The following KLHL4 variants were observed in gnomAD, a reference collection of about 807,000 sequenced individuals.
The protein encoded by KLHL4 is kelch like family member 4.
Under a neutral mutation model 45.8 loss-of-function variants are expected in KLHL4, and 17 were observed. The ratio of observed to expected loss-of-function variants is 0.37; its 90% CI spans 0.25 to 0.56. KLHL4 has a LOEUF of 0.56. KLHL4 is among the 20% of genes least tolerant of loss of function. The pLI, the probability that KLHL4 is intolerant of heterozygous loss-of-function variation, is 0.79. For missense variants in KLHL4, 544 were observed against 544.9 expected, an observed-to-expected ratio of 1.00 and a Z score of 0.02; for synonymous variants, 224 against 189.9, an observed-to-expected ratio of 1.18 and a Z score of -1.47.
intron 1 of KLHL4, among the ~76,000 whole-genome samples, chrX:87,563,771 A>G (rs1279109676): frequency 9.0e-6 from 1 of 111,056 alleles, no homozygotes; most frequent in East Asian, 2.9e-4. Context: ...AGGAGGTTAT[A>G]GAACACCAAG....
At chrX:87,614,114 G>T in intron 2 of KLHL4, 70 bp downstream of exon 2, 1 of 754,278 alleles carries the variant, frequency 1.3e-6, no homozygotes, top group African/African-American at 2.1e-5. Context: ...TGAGTACATG[G>T]ATTATAAACT....
At chrX:87,563,547 G>A (rs1932143689) in intron 1 of KLHL4, among the ~76,000 whole-genome samples, 1 of 99,021 alleles carries the variant, frequency 1.0e-5, no homozygotes, top group Non-Finnish European at 2.0e-5. Flanking sequence ...TGATCAAGCA[G>A]AAGAAAGAAT....
intron 1 of KLHL4, among the ~76,000 whole-genome samples, chrX:87,531,105 T>G (rs1256161286): frequency 1.8e-5 from 2 of 111,227 alleles, no homozygotes; most frequent in Non-Finnish European, 3.8e-5. Context: ...TTGCCCACTT[T>G]TTGATGGGGT....
intron 1 of KLHL4, among the ~76,000 whole-genome samples, chrX:87,603,336 G>A (rs1437839644): frequency 1.8e-5 from 2 of 111,365 alleles, no homozygotes; most frequent in Non-Finnish European, 3.8e-5. Context: ...GAAACCCACT[G>A]TAAAATTGAA....
At chrX:87,593,517 G>T (rs1263789925) in intron 1 of KLHL4, among the ~76,000 whole-genome samples, 11 of 111,492 alleles carry the variant, frequency 9.9e-5, no homozygotes, top group Non-Finnish European at 2.1e-4. Flanking sequence ...TTCAGTTGTA[G>T]AATTTTATCA....
chrX:87,635,441 AG>A, intron 8 of KLHL4, 121 bp from the exon 9 acceptor site: 1 of 489,353 alleles, frequency 2.0e-6, no homozygotes, highest in Non-Finnish European at 3.4e-6. Context: ...ATATATAGTC[AG>A]ACCCTTCAGA....
intron 1 of KLHL4, among the ~76,000 whole-genome samples, chrX:87,612,407 A>G (rs1265109270): frequency 8.9e-6 from 1 of 112,036 alleles, no homozygotes; most frequent in East Asian, 2.8e-4. Context: ...GTACAGTAAC[A>G]TGCTGTACAG....
chrX:87,531,080 G>A (rs1452797618), intron 1 of KLHL4, among the ~76,000 whole-genome samples: 1 of 111,731 alleles, frequency 9.0e-6, no homozygotes, highest in African/African-American at 3.3e-5. Context: ...TTTGAGAAGT[G>A]TCTGTTCATG....
At chrX:87,534,123 C>T (rs919421044) in intron 1 of KLHL4, among the ~76,000 whole-genome samples, 2 of 111,385 alleles carry the variant, frequency 1.8e-5, no homozygotes, top group African/African-American at 6.5e-5. Context: ...AAGGTTGTAA[C>T]AGAGTAGAAT....
chrX:87,532,339 TTGTAG>T (rs1225107126), intron 1 of KLHL4, among the ~76,000 whole-genome samples: 1 of 110,963 alleles, frequency 9.0e-6, no homozygotes, highest in African/African-American at 3.3e-5. Flanking sequence ...TACTGTAACC[TTGTAG>T]TGTAGTTTGA....
At chrX:87,542,884 A>G (rs1931592930) in intron 1 of KLHL4, among the ~76,000 whole-genome samples, 2 of 111,600 alleles carry the variant, frequency 1.8e-5, no homozygotes, top group Non-Finnish European at 3.8e-5. Flanking sequence ...AGGCAGAATG[A>G]TATTGTTTGG....
intron 9 of KLHL4, among the ~76,000 whole-genome samples, chrX:87,647,416 C>CA (rs372166584): frequency 5.4e-5 from 6 of 111,730 alleles, no homozygotes; most frequent in African/African-American, 1.6e-4. Flanking sequence ...AGTAATTATA[C>CA]AAAAAAGATA....
chrX:87,538,516 T>C (rs1931481505), intron 1 of KLHL4, among the ~76,000 whole-genome samples: 1 of 111,887 alleles, frequency 8.9e-6, no homozygotes, highest in African/African-American at 3.2e-5. Context: ...TTTTTAGAGA[T>C]ATATTACTAT....
At chrX:87,611,754 C>A (rs1320416473) in intron 1 of KLHL4, among the ~76,000 whole-genome samples, 1 of 109,583 alleles carries the variant, frequency 9.1e-6, no homozygotes. Context: ...AACTGTAAAA[C>A]AACCTCAGGC....
At chrX:87,561,720 C>T (rs1932102990) in intron 1 of KLHL4, among the ~76,000 whole-genome samples, 1 of 110,150 alleles carries the variant, frequency 9.1e-6, no homozygotes, top group Non-Finnish European at 1.9e-5. Flanking sequence ...TCAGGCCGTG[C>T]TGCTTGCAGC....
intron 1 of KLHL4, among the ~76,000 whole-genome samples, chrX:87,568,442 G>T (rs1179494205): frequency 1.2e-5 from 1 of 82,132 alleles, no homozygotes; most frequent in Non-Finnish European, 2.2e-5. Context: ...GTAAACGTTA[G>T]ATATAATAGC....
At chrX:87,570,617 G>T (rs1388198599) in intron 1 of KLHL4, among the ~76,000 whole-genome samples, 1 of 110,832 alleles carries the variant, frequency 9.0e-6, no homozygotes, top group Non-Finnish European at 1.9e-5. Flanking sequence ...GAGAGTAAAA[G>T]AAGGAGAGTT....
intron 9 of KLHL4, among the ~76,000 whole-genome samples, chrX:87,648,016 G>A (rs1342523659): frequency 9.0e-6 from 1 of 110,667 alleles, no homozygotes; most frequent in African/African-American, 3.3e-5. Flanking sequence ...TTAATATACA[G>A]AAGTATTTAT....
At chrX:87,567,891 C>T (rs1386790716) in intron 1 of KLHL4, among the ~76,000 whole-genome samples, 3 of 110,159 alleles carry the variant, frequency 2.7e-5, no homozygotes, top group African/African-American at 9.9e-5. Flanking sequence ...TCATCCATAC[C>T]CCAAATCTCA....
Sources: gnomAD v4.1 joint callset for allele counts (sites outside exome capture counted in the v4.1 genomes callset) on GRCh38, gnomAD v4.1.1 for gene constraint, MANE v1.5 for transcripts, NCBI Gene and HGNC (gene_info 2026-07-23, HGNC 2026-07-21) for gene names.